The following KIAA1328 variants were observed in gnomAD, a reference collection of about 807,000 sequenced individuals.
KIAA1328 encodes KIAA1328, also known as protein hinderin.
KIAA1328 carries 52 observed loss-of-function variants against 68.1 expected under a neutral mutation model. The observed-to-expected ratio is 0.76, with a 90% CI of 0.61 to 0.96. KIAA1328 has a LOEUF of 0.96. KIAA1328 is among the 40% of genes least tolerant of loss of function. KIAA1328 has a pLI of 0.00. For missense variants in KIAA1328, 641 were observed against 677.6 expected (o/e 0.95, Z 0.60); for synonymous variants, 232 against 239.4 (o/e 0.97, Z 0.28).
intron 7 of KIAA1328, among the ~76,000 whole-genome samples, chr18:37,120,124 A>G (rs2058229090): frequency 6.6e-6 from 1 of 152,292 alleles, no homozygotes; most frequent in South Asian, 2.1e-4. Flanking sequence ...TTCAAAAACC[A>G]AAGGTGTAAA....
intron 4 of KIAA1328, among the ~76,000 whole-genome samples, chr18:36,862,190 C>T (rs2047586762): frequency 6.6e-6 from 1 of 152,112 alleles, no homozygotes; most frequent in African/African-American, 2.4e-5. Flanking sequence ...TGATAGAATC[C>T]ATCAATTGTG....
chr18:37,221,930 C>A (rs2060570942), intron 9 of KIAA1328, 87 bp from the exon 10 acceptor site: 1 of 1,297,778 alleles, frequency 7.7e-7, no homozygotes, highest in Non-Finnish European at 1.1e-6. Flanking sequence ...CTAATTCTTG[C>A]CCTGGACAGC....
chr18:36,999,180 A>G (rs1052007851), intron 6 of KIAA1328, among the ~76,000 whole-genome samples: 2 of 152,226 alleles, frequency 1.3e-5, no homozygotes, highest in African/African-American at 4.8e-5. Flanking sequence ...GGCAGAAGGA[A>G]CAAACTCAGA....
At chr18:36,946,762 G>T (rs754742340) in intron 5 of KIAA1328, among the ~76,000 whole-genome samples, 4 of 152,092 alleles carry the variant, frequency 2.6e-5, no homozygotes, top group Non-Finnish European at 5.9e-5. Flanking sequence ...AGGTTATACT[G>T]AGCTATTCAA....
At chr18:36,902,366 T>C (rs1043043095) in intron 5 of KIAA1328, 16 of 152,086 alleles carry the variant, frequency 1.1e-4, no homozygotes, top group Non-Finnish European at 2.1e-4. Context: ...TTTCTTCTTT[T>C]TCTGGAAAAA....
chr18:36,860,042 A>T (rs554670158), intron 4 of KIAA1328, among the ~76,000 whole-genome samples: 1 of 151,480 alleles, frequency 6.6e-6, no homozygotes, highest in East Asian at 1.9e-4. Context: ...AATTTTTGAC[A>T]TGTTTTATTT....
chr18:37,105,762 C>T (rs1381547509), intron 7 of KIAA1328, among the ~76,000 whole-genome samples: 2 of 150,656 alleles, frequency 1.3e-5, no homozygotes, highest in African/African-American at 4.9e-5. Context: ...ACTAAAAATA[C>T]AAAAATTAAC....
intron 7 of KIAA1328, among the ~76,000 whole-genome samples, chr18:37,109,917 A>G (rs2151898754): frequency 6.6e-6 from 1 of 152,192 alleles, no homozygotes; most frequent in East Asian, 1.9e-4. Flanking sequence ...TTCTTTCTAC[A>G]CAGTAACTGC....
intron 1 of KIAA1328, among the ~76,000 whole-genome samples, chr18:36,831,057 CAT>C (rs35082595): frequency 0.012 from 1,861 of 152,308 alleles, 28 homozygotes; most frequent in African/African-American, 0.04. Flanking sequence ...GATTTAGTTA[CAT>C]GTCTTTGCAT....
At chr18:37,196,365 ATCT>A (rs2060003428) in intron 9 of KIAA1328, among the ~76,000 whole-genome samples, 1 of 152,114 alleles carries the variant, frequency 6.6e-6, no homozygotes, top group Non-Finnish European at 1.5e-5. Flanking sequence ...CTTGTTCCAG[ATCT>A]TAGTGGAAAA....
chr18:37,062,815 T>G (rs1295448525), intron 6 of KIAA1328, among the ~76,000 whole-genome samples: 1 of 152,210 alleles, frequency 6.6e-6, no homozygotes, highest in Non-Finnish European at 1.5e-5. Flanking sequence ...ACTGGTGTTT[T>G]ACTGGTGAGC....
At chr18:37,022,868 C>T (rs1275246518) in intron 6 of KIAA1328, among the ~76,000 whole-genome samples, 1 of 152,156 alleles carries the variant, frequency 6.6e-6, no homozygotes, top group Non-Finnish European at 1.5e-5. Context: ...TTTAAGCCAT[C>T]ACACATTCTG....
intron 7 of KIAA1328, among the ~76,000 whole-genome samples, chr18:37,077,078 A>C (rs2056766069): frequency 6.6e-6 from 1 of 151,818 alleles, no homozygotes; most frequent in South Asian, 2.1e-4. Context: ...TGCTGCAAAA[A>C]TCCTCAATAA....
chr18:36,875,004 G>A (rs528612714), intron 4 of KIAA1328, among the ~76,000 whole-genome samples: 3 of 152,190 alleles, frequency 2.0e-5, no homozygotes, highest in Admixed American at 2.0e-4. Flanking sequence ...TATTTCTGAG[G>A]CCTGTGTTCT....
intron 7 of KIAA1328, among the ~76,000 whole-genome samples, chr18:37,136,931 AGAGT>A (rs1379156038): frequency 6.6e-6 from 1 of 152,198 alleles, no homozygotes; most frequent in Non-Finnish European, 1.5e-5. Flanking sequence ...TCACTACAGT[AGAGT>A]GTTTTATTTA....
At chr18:37,109,724 A>T (rs537307794) in intron 7 of KIAA1328, among the ~76,000 whole-genome samples, 1 of 152,334 alleles carries the variant, frequency 6.6e-6, no homozygotes, top group Non-Finnish European at 1.5e-5. Flanking sequence ...ACGTGAATAG[A>T]CAGAGTACTG....
chr18:37,006,054 G>A (rs1234042046), intron 6 of KIAA1328, among the ~76,000 whole-genome samples: 1 of 151,902 alleles, frequency 6.6e-6, no homozygotes, highest in African/African-American at 2.4e-5. Context: ...GGTGACTATA[G>A]TTAACAAAAA....
At chr18:36,984,782 C>G (rs749258526) in intron 6 of KIAA1328, among the ~76,000 whole-genome samples, 2 of 151,306 alleles carry the variant, frequency 1.3e-5, no homozygotes, top group African/African-American at 4.9e-5. Context: ...GGTGCATGCC[C>G]GTAGTCCCAA....
chr18:36,922,429 A>G (rs2151113283), intron 5 of KIAA1328, among the ~76,000 whole-genome samples: 1 of 152,292 alleles, frequency 6.6e-6, no homozygotes. Context: ...ATTTTTTTCA[A>G]TAATAGATTT....
Sources: allele counts gnomAD v4.1 joint callset (sites outside exome capture counted in the v4.1 genomes callset), GRCh38; gene constraint gnomAD v4.1.1; transcripts MANE v1.5; gene names NCBI Gene and HGNC (gene_info 2026-07-23, HGNC 2026-07-21).